Variants in NOS2 observed in about 807,000 individuals in gnomAD.
NOS2 encodes the protein nitric oxide synthase, inducible.
A neutral mutation model predicts 136.0 loss-of-function variants in NOS2; 96 were observed. That is an observed-to-expected ratio of 0.71 (90% CI 0.60 to 0.84). The LOEUF (loss-of-function observed/expected upper bound fraction) is 0.84, where lower values mean the gene tolerates loss of function less well. NOS2 is among the 40% of genes least tolerant of loss of function. The probability of loss-of-function intolerance (pLI) is 0.00; values close to 1 mark genes in which losing one functional copy is unlikely to be tolerated. For missense variants in NOS2, 1,237 were observed against 1,496.9 expected, an observed-to-expected ratio of 0.83 and a Z score of 2.87; for synonymous variants, 539 against 587.5, an observed-to-expected ratio of 0.92 and a Z score of 1.20.
At chr17:27,786,027 CG>C (rs1567641402) in intron 5 of NOS2, among the ~76,000 whole-genome samples, 1 of 151,362 alleles carries the variant, frequency 6.6e-6, no homozygotes, top group African/African-American at 2.4e-5. Flanking sequence ...CCACTCTTTC[CG>C]CCAGGGAGTC....
chr17:27,768,782 G>A (rs1908393594), intron 17 of NOS2, among the ~76,000 whole-genome samples, 195 bp downstream of exon 17: 1 of 152,184 alleles, frequency 6.6e-6, no homozygotes, highest in South Asian at 2.1e-4. Context: ...GCACAAGGTG[G>A]AGCTCTTCTA....
At chr17:27,767,934 C>A in intron 17 of NOS2, 97 bp from the exon 18 acceptor site, 1 of 1,483,694 alleles carries the variant, frequency 6.7e-7, no homozygotes. Context: ...ATGGGCCAAA[C>A]ACTGAGCCGT....
intron 2 of NOS2, among the ~76,000 whole-genome samples, chr17:27,790,121 C>A (rs561211989): frequency 6.6e-6 from 1 of 152,320 alleles, no homozygotes; most frequent in South Asian, 2.1e-4. Flanking sequence ...TGAAACAGAG[C>A]CTTGCACTGT....
chr17:27,757,435 G>C, intron 26 of NOS2, 82 bp from the exon 27 acceptor site: 1 of 1,085,778 alleles, frequency 9.2e-7, no homozygotes, highest in Non-Finnish European at 1.4e-6. Flanking sequence ...CTATCACATG[G>C]ACCTTCATGA....
At chr17:27,759,652 G>C (rs1171313963) in intron 25 of NOS2, among the ~76,000 whole-genome samples, 11 of 152,142 alleles carry the variant, frequency 7.2e-5, no homozygotes, top group Non-Finnish European at 1.5e-4. Context: ...CGGCCCTGGG[G>C]ACAGAAGAGC....
intron 24 of NOS2, 114 bp from the exon 25 acceptor site, chr17:27,760,292 A>C (rs1908076657): frequency 2.3e-5 from 26 of 1,130,202 alleles, no homozygotes; most frequent in Non-Finnish European, 3.1e-5. Context: ...CATTATCCCC[A>C]CTTTACAGAT....
chr17:27,759,612 A>G (rs1002999709), intron 25 of NOS2, among the ~76,000 whole-genome samples: 9 of 152,126 alleles, frequency 5.9e-5, no homozygotes, highest in Non-Finnish European at 1.2e-4. Context: ...CCGAGAGTCT[A>G]TTCTGACACC....
chr17:27,767,231 C>G (rs1908334195), intron 18 of NOS2, among the ~76,000 whole-genome samples: 1 of 152,166 alleles, frequency 6.6e-6, no homozygotes. Context: ...CCTGGGGGTG[C>G]AGAGTGGAGA....
At chr17:27,778,204 C>T (rs1908721447) in intron 11 of NOS2, among the ~76,000 whole-genome samples, 1 of 148,780 alleles carries the variant, frequency 6.7e-6, no homozygotes, top group Non-Finnish European at 1.5e-5. Flanking sequence ...GGGAGGCCTT[C>T]TTTTTTTTTT....
chr17:27,776,609 G>A (rs1908664933), intron 11 of NOS2, among the ~76,000 whole-genome samples: 1 of 148,004 alleles, frequency 6.8e-6, no homozygotes, highest in African/African-American at 2.5e-5. Context: ...GGAGGCGGAG[G>A]TTGCAGTGAG....
rs1450413372 is a variant in NOS2, at chr17:27,765,432, AG to A, written c.2428+102del. 2.1e-5 allele frequency: 23 copies of A among 1,081,906 alleles called. No homozygotes were observed. The African/African-American group carries it at 3.2e-4, about 15-fold the overall frequency. The allele number at this position is 1,081,906 out of a possible 1,614,324, so 67.0% of individuals were successfully genotyped here. On this transcript the variant is annotated intron_variant, in intron 20 of 26. Transcript: ENST00000313735. ...TTGGTGGCCCGCCCTCTCAGCAGGA[AG>A]GACAGGGATGGCTGTCACCGGCAGG...
intron 17 of NOS2, 32 bp from the exon 18 acceptor site, chr17:27,767,869 G>A: frequency 1.2e-6 from 2 of 1,609,704 alleles, no homozygotes; most frequent in South Asian, 2.2e-5. Context: ...TGCGGTTAAT[G>A]GTCAGCAGCA....
chr17:27,762,759 C>A (rs202168750), intron 22 of NOS2, 39 bp downstream of exon 22: 1 of 1,390,440 alleles, frequency 7.2e-7, no homozygotes, highest in South Asian at 1.3e-5. Flanking sequence ...CAATAATGGG[C>A]GGAGCGGGGC....
intron 11 of NOS2, among the ~76,000 whole-genome samples, chr17:27,778,287 C>T (rs1597552347): frequency 6.6e-6 from 1 of 151,938 alleles, no homozygotes; most frequent in African/African-American, 2.4e-5. Flanking sequence ...GAGATCTCTC[C>T]ATAGTTTTGC....
At chr17:27,760,801 C>A in intron 23 of NOS2, 57 bp from the exon 24 acceptor site, 3 of 1,515,364 alleles carry the variant, frequency 2.0e-6, no homozygotes, top group Non-Finnish European at 2.7e-6. Flanking sequence ...CCCACGCACA[C>A]ACAGGATGGC....
intron 23 of NOS2, 108 bp downstream of exon 23, chr17:27,761,036 T>C: frequency 9.2e-7 from 1 of 1,092,452 alleles, no homozygotes; most frequent in Non-Finnish European, 1.3e-6. Flanking sequence ...GCCTTCTTTA[T>C]GGGCCAAGGG....
In NOS2 at chr17:27,777,597, C is replaced by T. The variant is rs184134627; in HGVS notation, c.1281+1093G>A. ...AGACCCAGTTTGTGCCAGGCCAGAT[C>T]GCGGATGTGGCCCTCATCATTCATT... On this transcript the variant is annotated intron_variant, in intron 11 of 26. Transcript: ENST00000313735. 1.3e-3 allele frequency among the ~76,000 whole-genome samples: 192 copies of T among 152,308 alleles called. 3 individuals are homozygous for T. Among genetic ancestry groups the T allele is most frequent in the South Asian group, 0.012 (56 of 4,822 alleles).
At chr17:27,781,245 C>A (rs1842739945) in intron 7 of NOS2, 68 bp from the exon 8 acceptor site, 27 of 1,511,372 alleles carry the variant, frequency 1.8e-5, no homozygotes, top group Non-Finnish European at 2.2e-5. Context: ...CCTGCACTGG[C>A]CCTACCTCCC....
At chr17:27,783,151 T>G in intron 5 of NOS2, 45 bp from the exon 6 acceptor site, 1 of 1,595,836 alleles carries the variant, frequency 6.3e-7, no homozygotes, top group Non-Finnish European at 8.6e-7. Context: ...TGAGATGGCC[T>G]TACATGGGGA....
Sources: gnomAD v4.1 joint callset for allele counts (sites outside exome capture counted in the v4.1 genomes callset) on GRCh38, gnomAD v4.1.1 for gene constraint, MANE v1.5 for transcripts, NCBI Gene and HGNC (gene_info 2026-07-23, HGNC 2026-07-21) for gene names.